The following SATB2 variants were observed in gnomAD, a reference collection of about 807,000 sequenced individuals.
SATB2 encodes the protein DNA-binding protein SATB2.
In SATB2, 1 loss-of-function variant was observed where a neutral mutation model predicts 73.4. That is an observed-to-expected ratio of 0.01 (90% CI 0.00 to 0.06). The LOEUF is 0.06. Ranked by LOEUF, SATB2 falls within the 10% of genes least tolerant of loss-of-function variation. The probability of loss-of-function intolerance (pLI) is 1.00; values close to 1 mark genes in which losing one functional copy is unlikely to be tolerated. For missense variants in SATB2, 459 were observed against 945.8 expected (o/e 0.49, Z 6.75); for synonymous variants, 397 against 367.0 (o/e 1.08, Z -0.93).
upstream of SATB2, among the ~76,000 whole-genome samples, chr2:199,461,722 C>G (rs1032259474): frequency 1.3e-5 from 2 of 152,124 alleles, no homozygotes; most frequent in African/African-American, 4.8e-5. Flanking sequence ...AGTAAAAGGC[C>G]GCCTGTTTTT....
At chr2:199,407,432 T>C (rs1039901471) in intron 3 of SATB2, among the ~76,000 whole-genome samples, 3 of 152,072 alleles carry the variant, frequency 2.0e-5, no homozygotes, top group Non-Finnish European at 4.4e-5. Context: ...TAGGTAACTA[T>C]TGTTGAAAAT....
chr2:199,390,621 G>A (rs1690101652), intron 3 of SATB2, among the ~76,000 whole-genome samples: 1 of 152,132 alleles, frequency 6.6e-6, no homozygotes, highest in Non-Finnish European at 1.5e-5. Flanking sequence ...CATTCTAGCA[G>A]ATGCTATTCA....
Position 199,403,862 on chromosome 2 carries a change from A to G in SATB2, c.347-22042T>C, listed in dbSNP as rs1559033753. Among the ~76,000 whole-genome samples, 3 of 151,826 alleles carry G rather than the reference A, an allele frequency of 2.0e-5. No homozygotes were observed. In the East Asian group the frequency reaches 5.8e-4, roughly 29 times the overall value. On this transcript the variant is annotated intron_variant, in intron 3 of 10. Coordinates refer to ENST00000417098, the MANE Select transcript of SATB2 (RefSeq NM_001172509.2). ...CAAAAATTAAGTCCTCTTCTATTCAACCATCTATTTAGCAAACATCTACAC... is the reference window on the plus strand; with the variant it reads ...CAAAAATTAAGTCCTCTTCTATTCAGCCATCTATTTAGCAAACATCTACAC...
intron 3 of SATB2, among the ~76,000 whole-genome samples, chr2:199,420,829 ATACTTATTGTATAC>A (rs1691143179): frequency 6.6e-6 from 1 of 152,224 alleles, no homozygotes; most frequent in Non-Finnish European, 1.5e-5. Flanking sequence ...TCTCATTTGT[ATACTTATTGTATAC>A]TTATTTAATT....
chr2:199,412,958 CTT>C (rs1380296225), intron 3 of SATB2, among the ~76,000 whole-genome samples: 1 of 152,134 alleles, frequency 6.6e-6, no homozygotes. Flanking sequence ...TCTGTTATCT[CTT>C]ATTTCTTTTA....
chr2:199,436,627 T>A (rs1174867850), intron 2 of SATB2, among the ~76,000 whole-genome samples: 2 of 152,086 alleles, frequency 1.3e-5, no homozygotes, highest in Non-Finnish European at 2.9e-5. Context: ...ATGGTTTTTA[T>A]AATGAAATGC....
At chr2:199,317,825 G>A (rs935147890) in intron 9 of SATB2, among the ~76,000 whole-genome samples, 2 of 151,930 alleles carry the variant, frequency 1.3e-5, no homozygotes, top group East Asian at 1.9e-4. Flanking sequence ...TCAACTTGAC[G>A]CTCGCGCATC....
chr2:199,392,690 C>T (rs910116017), intron 3 of SATB2, among the ~76,000 whole-genome samples: 4 of 152,100 alleles, frequency 2.6e-5, no homozygotes. Flanking sequence ...GTGGATAACT[C>T]GCTTACCCTC....
intron 2 of SATB2, among the ~76,000 whole-genome samples, chr2:199,444,328 T>C (rs897801594): frequency 6.6e-6 from 1 of 152,112 alleles, no homozygotes; most frequent in Non-Finnish European, 1.5e-5. Context: ...CTAAAGTGAT[T>C]TGTCTCCTGG....
intron 3 of SATB2, among the ~76,000 whole-genome samples, chr2:199,417,038 A>T (rs28497370): frequency 5.5e-4 from 10 of 18,348 alleles, no homozygotes; most frequent in South Asian, 1.1e-3. Flanking sequence ...TCCGTCTCTC[A>T]CACACACACA....
intron 9 of SATB2, among the ~76,000 whole-genome samples, chr2:199,322,711 C>T (rs1687923569): frequency 6.6e-6 from 1 of 152,144 alleles, no homozygotes; most frequent in African/African-American, 2.4e-5. Flanking sequence ...TAACCCTGTA[C>T]TCTATAATTA....
chr2:199,293,881 G>T (rs1692946516), intron 10 of SATB2, among the ~76,000 whole-genome samples: 3 of 151,780 alleles, frequency 2.0e-5, no homozygotes, highest in Admixed American at 1.3e-4. Flanking sequence ...GAAATGTGAG[G>T]GTGGGAGAAA....
chr2:199,283,184 C>G (rs958488696), intron 10 of SATB2, among the ~76,000 whole-genome samples: 1 of 151,024 alleles, frequency 6.6e-6, no homozygotes, highest in Non-Finnish European at 1.5e-5. Flanking sequence ...CCTGGGTTCA[C>G]GCCATTCTCC....
At chr2:199,394,362 A>C (rs908436091) in intron 3 of SATB2, among the ~76,000 whole-genome samples, 1 of 152,234 alleles carries the variant, frequency 6.6e-6, no homozygotes, top group Non-Finnish European at 1.5e-5. Context: ...AATCACTGAT[A>C]TATGAAGACC....
chr2:199,466,722 A>G (rs1692599884), upstream of SATB2, among the ~76,000 whole-genome samples: 1 of 152,042 alleles, frequency 6.6e-6, no homozygotes, highest in Non-Finnish European at 1.5e-5. Context: ...GGTGTCTCAC[A>G]TTACTTCCCT....
At chr2:199,299,571 G>A (rs988780256) in intron 10 of SATB2, among the ~76,000 whole-genome samples, 9 of 152,116 alleles carry the variant, frequency 5.9e-5, no homozygotes, top group African/African-American at 2.2e-4. Flanking sequence ...AGGGAAAATG[G>A]AGGTCTATTT....
intron 6 of SATB2, among the ~76,000 whole-genome samples, chr2:199,349,987 A>T (rs115159011): frequency 0.014 from 2,162 of 152,286 alleles, 60 homozygotes; most frequent in African/African-American, 0.05. Flanking sequence ...GTCACCTCAT[A>T]GCCAAATCCT....
chr2:199,411,518 C>T (rs1367323866), intron 3 of SATB2, among the ~76,000 whole-genome samples: 1 of 152,176 alleles, frequency 6.6e-6, no homozygotes, highest in Non-Finnish European at 1.5e-5. Flanking sequence ...GTCATTTTCT[C>T]CTCACAACAT....
chr2:199,406,920 G>C (rs4675559), intron 3 of SATB2, among the ~76,000 whole-genome samples: 1 of 152,078 alleles, frequency 6.6e-6, no homozygotes, highest in African/African-American at 2.4e-5. Context: ...AGTAATAAGA[G>C]TAACATTCAT....
Sources: gnomAD v4.1 joint callset for allele counts (sites outside exome capture counted in the v4.1 genomes callset) on GRCh38, gnomAD v4.1.1 for gene constraint, MANE v1.5 for transcripts, NCBI Gene and HGNC (gene_info 2026-07-23, HGNC 2026-07-21) for gene names.